NDUFB5: variants seen among roughly 807,000 people sequenced by gnomAD.
The protein encoded by NDUFB5 is NADH:ubiquinone oxidoreductase subunit B5, also known as NADH dehydrogenase [ubiquinone] 1 beta subcomplex subunit 5, mitochondrial.
NDUFB5 carries 19 observed loss-of-function variants against 19.4 expected under a neutral mutation model. That is an observed-to-expected ratio of 0.98 (90% CI 0.68 to 1.43). The LOEUF (loss-of-function observed/expected upper bound fraction) is 1.43. Among genes scored for constraint, NDUFB5 ranks in the 40% most tolerant of loss-of-function variants. NDUFB5 has a pLI of 0.00. For synonymous variants in NDUFB5, 80 were observed against 82.6 expected, an observed-to-expected ratio of 0.97 and a Z score of 0.17; for missense variants, 233 against 236.5, an observed-to-expected ratio of 0.99 and a Z score of 0.10.
At chr3:179,616,947 A>G in intron 3 of NDUFB5, 36 bp from the exon 4 acceptor site, 2 of 1,504,484 alleles carry the variant, frequency 1.3e-6, no homozygotes, top group Non-Finnish European at 1.8e-6. Flanking sequence ...TAAACTCCTC[A>G]TGCTAAAGTT....
chr3:179,615,528 A>G, intron 2 of NDUFB5: 1 of 451,246 alleles, frequency 2.2e-6, no homozygotes, highest in Non-Finnish European at 4.5e-6. Context: ...TTGCTTATTT[A>G]GAATGCTGAC....
chr3:179,617,077 T>C (rs760987184), intron 4 of NDUFB5, 33 bp downstream of exon 4: 2 of 1,463,658 alleles, frequency 1.4e-6, no homozygotes, highest in South Asian at 1.2e-5. Flanking sequence ...TACATACTGT[T>C]ACATGCCTTG....
chr3:179,609,977 C>T (rs1324742633), intron 1 of NDUFB5, among the ~76,000 whole-genome samples: 1 of 152,034 alleles, frequency 6.6e-6, no homozygotes, highest in Non-Finnish European at 1.5e-5. Context: ...ATGAGGTCTC[C>T]CTAATGTTGC....
chr3:179,611,435 C>T (rs181649214), intron 1 of NDUFB5, among the ~76,000 whole-genome samples: 97 of 149,696 alleles, frequency 6.5e-4, no homozygotes, highest in African/African-American at 1.8e-3. Flanking sequence ...TTTCTTGAGA[C>T]GGAGTCTCGC....
intron 5 of NDUFB5, among the ~76,000 whole-genome samples, chr3:179,620,295 T>A (rs531479844): frequency 9.2e-5 from 14 of 151,948 alleles, no homozygotes; most frequent in Non-Finnish European, 2.1e-4. Context: ...TGAATGGTAT[T>A]GCCTAGGTTT....
At chr3:179,617,148 T>C in intron 4 of NDUFB5, 104 bp downstream of exon 4, 1 of 866,396 alleles carries the variant, frequency 1.2e-6, no homozygotes, top group South Asian at 1.6e-5. Context: ...TTTTGTTTTG[T>C]TTTTTTTGAG....
intron 1 of NDUFB5, among the ~76,000 whole-genome samples, chr3:179,606,772 C>T (rs940993553): frequency 1.3e-5 from 2 of 152,182 alleles, no homozygotes; most frequent in African/African-American, 4.8e-5. Flanking sequence ...AAAGTTGTCT[C>T]CAGCCTCAAA....
In NDUFB5 at chr3:179,604,923, C is replaced by G. The variant is rs935091015; in HGVS notation, c.108C>G (p.Gly36=). ...RLGFGGFLTR[G]FPKAAAPVRH... is the part of the protein sequence containing the mutation. ...GATTTGGGGGCTTCCTCACTCGTGGCTTTCCGAAGGCTGCTGGTGGGTGCT... is the reference window on the plus strand; with the variant it reads ...GATTTGGGGGCTTCCTCACTCGTGGGTTTCCGAAGGCTGCTGGTGGGTGCT... Residue 36 remains glycine (G), a synonymous_variant, in exon 1 of 6, where the codon GGC becomes GGG. Coordinates refer to ENST00000259037, the MANE Select transcript of NDUFB5 (RefSeq NM_002492.4). 6.3e-7 allele frequency: 1 copy of G among 1,585,492 alleles called. No individual in the cohort carries two copies. The highest frequency in any genetic ancestry group is 8.5e-7 in the Non-Finnish European group (1 of 1,171,080).
intron 5 of NDUFB5, among the ~76,000 whole-genome samples, chr3:179,619,198 T>C (rs1435261408): frequency 3.2e-4 from 1 of 3,088 alleles, no homozygotes; most frequent in African/African-American, 6.6e-3. Context: ...GAGTGCCTGT[T>C]TTTTTTTTTT....
chr3:179,608,180 T>G (rs894503008), intron 1 of NDUFB5, among the ~76,000 whole-genome samples: 1 of 151,860 alleles, frequency 6.6e-6, no homozygotes, highest in Admixed American at 6.6e-5. Context: ...GAAGAGAGTT[T>G]TTTTTTTGTT....
chr3:179,616,917 A>G lies in NDUFB5; in HGVS notation c.281-66A>G, dbSNP rs1290822968. The G allele has an allele frequency of 2.4e-6, 3 of 1,254,236 alleles. No individual in the cohort carries two copies. In the African/African-American group the frequency reaches 4.5e-5, roughly 19 times the overall value. The allele number at this position is 1,254,236 out of a possible 1,614,324, so 77.7% of individuals were successfully genotyped here. ...CACAAGAAGTTGGTTTCTTACTTTA[A>G]TGGTGAATAATTAATTTTATAAACT... On this transcript the variant is annotated intron_variant, in intron 3 of 5. Transcript: ENST00000259037.
intron 2 of NDUFB5, 170 bp from the exon 3 acceptor site, chr3:179,615,813 G>A: frequency 1.6e-6 from 1 of 643,148 alleles, no homozygotes; most frequent in South Asian, 1.8e-5. Flanking sequence ...TTTCTTTCAT[G>A]GCATTGCTTT....
chr3:179,605,878 A>AC (rs1267557735), intron 1 of NDUFB5, among the ~76,000 whole-genome samples: 5 of 147,026 alleles, frequency 3.4e-5, no homozygotes, highest in South Asian at 2.2e-4. Context: ...TGCAATCTCC[A>AC]CCCCCCGGGT....
rs563101455 is a variant in NDUFB5 at position 179,621,341 on chromosome 3, T to G, written c.450-2579T>G. ...GATCCACCCTCTGGGCCTCCCAAAA[T>G]GCTGAGATTACAGGCGTGAGCCACT... On this transcript the variant is annotated intron_variant, in intron 5 of 5. Transcript: ENST00000259037. Among the ~76,000 whole-genome samples the G allele has an allele frequency of 2.6e-5, 4 of 152,228 alleles. No individual in the cohort carries two copies. In the East Asian group the frequency reaches 7.7e-4, roughly 29 times the overall value.
At chr3:179,604,994 G>A (rs1213654267) in intron 1 of NDUFB5, 55 bp downstream of exon 1, 3 of 1,493,346 alleles carry the variant, frequency 2.0e-6, no homozygotes, top group African/African-American at 1.4e-5. Context: ...CGAGAAAAGG[G>A]AGGACGCTTC....
In NDUFB5 at chr3:179,615,032, C is replaced by A. The variant is rs1357260258; in HGVS notation, c.186C>A (p.Phe62Leu). ...KRLFVIRPSR[F>L]YDRRFLKLLR... ...TATTTGTCATCAGACCTTCTAGATT[C>A]TATGACAGGCGTTTTTTGAAGTTAT... The change falls in exon 2 of 6, where the codon TTC becomes TTA. Residue 62 changes from phenylalanine to leucine, a missense_variant. Physicochemically the swap from Phe to Leu is conservative, Grantham distance 22 (BLOSUM62 0). Transcript: ENST00000259037. 6.2e-7 allele frequency: 1 copy of A among 1,606,910 alleles called. No individual in the cohort carries two copies. Among genetic ancestry groups the A allele is most frequent in the South Asian group, 1.1e-5 (1 of 89,698 alleles).
intron 4 of NDUFB5, 24 bp from the exon 5 acceptor site, chr3:179,618,391 T>C: frequency 3.4e-6 from 5 of 1,483,204 alleles, no homozygotes; most frequent in Non-Finnish European, 4.6e-6. Context: ...AATGGACTAA[T>C]ATTAAACGAA....
rs756014784 is a variant in NDUFB5, at chr3:179,623,904, G to A, written c.450-16G>A. The A allele has an allele frequency of 1.2e-6, 2 of 1,613,236 alleles. No homozygotes were observed. The highest frequency in any genetic ancestry group is 1.1e-5 in the South Asian group (1 of 90,782). ...GAAGTGCTGGAATCTCAATATTGCT[G>A]TTCCATTTGTTACAGGGTAAAGGAG... On this transcript the variant is annotated splice_polypyrimidine_tract_variant and intron_variant, in intron 5 of 5. Transcript: ENST00000259037.
chr3:179,620,638 C>T (rs9860029), intron 5 of NDUFB5, among the ~76,000 whole-genome samples: 71,668 of 151,896 alleles, frequency 0.47, 18,059 homozygotes, highest in East Asian at 0.66. Flanking sequence ...CGTGATGCCT[C>T]CAGCTTTGTT....
Sources: gnomAD v4.1 joint callset for allele counts (sites outside exome capture counted in the v4.1 genomes callset) on GRCh38, gnomAD v4.1.1 for gene constraint, MANE v1.5 for transcripts, NCBI Gene and HGNC (gene_info 2026-07-23, HGNC 2026-07-21) for gene names.